ANKRD11: variants seen among roughly 807,000 people sequenced by gnomAD.
ANKRD11 encodes the protein ankyrin repeat domain-containing protein 11.
ANKRD11 carries 17 observed loss-of-function variants against 195.7 expected under a neutral mutation model. The observed-to-expected ratio is 0.09, with a 90% CI of 0.06 to 0.13. ANKRD11 has a LOEUF of 0.13. ANKRD11 is among the 10% of genes least tolerant of loss of function. The pLI is 1.00. For missense variants in ANKRD11, 3,735 were observed against 3,566.1 expected, an observed-to-expected ratio of 1.05 and a Z score of -1.21; for synonymous variants, 1,953 against 1,528.1, an observed-to-expected ratio of 1.28 and a Z score of -6.49.
At position 89,285,224 on chromosome 16, in the gene ANKRD11, G is replaced by T. The variant is rs771973198; in HGVS notation, c.1318C>A (p.Arg440=). The T allele has an allele frequency of 1.9e-6, 3 of 1,613,588 alleles. No individual in the cohort carries two copies. The highest frequency in any genetic ancestry group is 2.5e-6 in the Non-Finnish European group (3 of 1,179,994). ...AHTILPGSKT[R]EPSNAKQQKE... ...TGCTGCTTGGCATTAGAAGGCTCTC[G>T]TGTCTTACTACCAGGCAATATCGTA... Residue 440 remains arginine (R), a synonymous_variant, in exon 9 of 13, where the codon CGA becomes AGA. Transcript: ENST00000301030. This position sits in a 1 kb window ranked among gnomAD's most constrained non-coding sequence, Gnocchi z 5.6.
rs200756644 is a variant in ANKRD11 at position 89,283,390 on chromosome 16, T to G, written c.3152A>C (p.Glu1051Ala). 3.5e-5 allele frequency: 57 copies of G among 1,613,934 alleles called. No homozygotes were observed. Among genetic ancestry groups the G allele is most frequent in the Non-Finnish European group, 4.1e-5 (48 of 1,180,056 alleles). Residue 1051 changes from glutamate (E) to alanine (A), a missense_variant, in exon 9 of 13, where the codon GAA (glutamate) becomes GCA (alanine). Transcript: ENST00000301030. This position sits in a 1 kb window ranked among gnomAD's most constrained non-coding sequence, Gnocchi z 4.3. ...TTTCTCTTTAAAACATTTATCAAAT[T>G]CTTTGTCCTTCTGACATTTTTCCAG... ...SILEKCQKDK[E>A]FDKCFKEKKD...
At chr16:89,275,488 AAC>A (rs1471610886) in intron 9 of ANKRD11, among the ~76,000 whole-genome samples, 1 of 152,196 alleles carries the variant, frequency 6.6e-6, no homozygotes, top group African/African-American at 2.4e-5. Flanking sequence ...GAGGGCCTGA[AAC>A]ACCGGCATGA....
At chr16:89,468,766 C>T (rs1239821855) in intron 1 of ANKRD11, among the ~76,000 whole-genome samples, 2 of 152,150 alleles carry the variant, frequency 1.3e-5, no homozygotes, top group Admixed American at 6.5e-5. Flanking sequence ...TGCTGCCCTA[C>T]TGTTCTTGGC....
intron 2 of ANKRD11, among the ~76,000 whole-genome samples, chr16:89,404,241 T>C (rs1597301217): frequency 6.6e-6 from 1 of 152,170 alleles, no homozygotes; most frequent in Non-Finnish European, 1.5e-5. Context: ...TGTAGAACCC[T>C]GTTCTAGTCT....
rs771574778 is a variant in ANKRD11 at position 89,291,091 on chromosome 16, C to T, written c.319G>A (p.Ala107Thr). 6.2e-7 allele frequency: 1 copy of T among 1,613,822 alleles called. No individual in the cohort carries two copies. Among genetic ancestry groups the T allele is most frequent in the Non-Finnish European group, 8.5e-7 (1 of 1,179,952 alleles). The change falls in exon 5 of 13, where the codon GCC (alanine) becomes ACC (threonine). Residue 107 changes from alanine (A) to threonine (T), a missense_variant. By Grantham distance (58) the Ala-to-Thr change is moderately conservative. Coordinates refer to ENST00000301030, the MANE Select transcript of ANKRD11 (RefSeq NM_013275.6). This position sits in a 1 kb window ranked among gnomAD's most constrained non-coding sequence, Gnocchi z 5.3. ...TGGCGCTCGGAGAGGGGGTAGCCGGCTCGGATTCCAGACAGCCCCATGCCA... is the reference window on the plus strand; with the variant it reads ...TGGCGCTCGGAGAGGGGGTAGCCGGTTCGGATTCCAGACAGCCCCATGCCA... ...LFGMGLSGIRAGYPLSERQQV... is the reference protein window; with the variant it reads ...LFGMGLSGIRTGYPLSERQQV...
intron 2 of ANKRD11, among the ~76,000 whole-genome samples, chr16:89,363,653 C>T (rs1213472109): frequency 6.6e-6 from 1 of 152,166 alleles, no homozygotes; most frequent in Non-Finnish European, 1.5e-5. Flanking sequence ...CACTTTATGT[C>T]CACCAAGCAC....
In ANKRD11 at chr16:89,321,573, C is replaced by T. The variant is rs148309191; in HGVS notation, c.-59-4495G>A. Among the ~76,000 whole-genome samples, 506 of 152,166 alleles carry T rather than the reference C, an allele frequency of 3.3e-3. 1 individual carries two copies. Among genetic ancestry groups the T allele is most frequent in the African/African-American group, 0.012 (488 of 41,546 alleles). On this transcript the variant is annotated intron_variant, in intron 2 of 12. Transcript: ENST00000301030. ...CCAGGGAGTCCGTGGACCATGGAGA[C>T]TCACGGGTCCCCTCGGGCCTTCTGA...
rs146316513 is a variant in ANKRD11 at position 89,452,548 on chromosome 16, G to A, written c.-144-34180C>T. On this transcript the variant is annotated intron_variant, in intron 1 of 12. Coordinates refer to ENST00000301030, the MANE Select transcript of ANKRD11 (RefSeq NM_013275.6). ...TCTCAGCACTCTGGGAGGCTGAGGC[G>A]GGTGGATCACCTGAGGTCAAGAGAT... is the stretch of plus-strand genomic sequence containing the variant. Among the ~76,000 whole-genome samples the A allele has an allele frequency of 5.7e-3, 862 of 151,666 alleles. 1 individual carries two copies. Among genetic ancestry groups the A allele is most frequent in the Non-Finnish European group, 0.011 (719 of 67,854 alleles).
At position 89,394,521 on chromosome 16, in the gene ANKRD11, G is replaced by A. The variant is rs1397785909; in HGVS notation, c.-60+23763C>T. 3.3e-5 allele frequency among the ~76,000 whole-genome samples: 5 copies of A among 152,000 alleles called. 1 individual carries two copies. The highest frequency in any genetic ancestry group is 4.1e-4 in the South Asian group (2 of 4,824). On this transcript the variant is annotated intron_variant, in intron 2 of 12. Coordinates refer to ENST00000301030, the MANE Select transcript of ANKRD11 (RefSeq NM_013275.6). ...CAGGCACCTGTAATCCCAGCTACTC[G>A]GGAGGCTGAGGCAGGAGAATCGCTT...
rs8053074 is a variant in ANKRD11, at chr16:89,385,478, A to G, written c.-60+32806T>C. 1.5e-3 allele frequency among the ~76,000 whole-genome samples: 227 copies of G among 152,244 alleles called. 2 individuals are homozygous for G. The highest frequency in any genetic ancestry group is 5.2e-3 in the African/African-American group (218 of 41,540). ...AGCAGACTGAGCCCGTCCACAAGCCAGCACCGGGCAGAGGGAAGGGCGCCA... is the reference window on the plus strand; with the variant it reads ...AGCAGACTGAGCCCGTCCACAAGCCGGCACCGGGCAGAGGGAAGGGCGCCA... On this transcript the variant is annotated intron_variant, in intron 2 of 12. Transcript: ENST00000301030.
At chr16:89,301,667 GCT>G (rs2035862554) in intron 4 of ANKRD11, 2 of 398,730 alleles carry the variant, frequency 5.0e-6, no homozygotes, top group Admixed American at 8.8e-5. Context: ...GCTGTCACAT[GCT>G]CACGTCTGCC....
At chr16:89,288,430 CCCA>C (rs1350334338) in intron 7 of ANKRD11, 95 bp downstream of exon 7, 1 of 1,580,250 alleles carries the variant, frequency 6.3e-7, no homozygotes, top group Admixed American at 1.8e-5. Flanking sequence ...TTTCCTGTGC[CCCA>C]CATCATGGAA....
At chr16:89,478,119 G>A (rs1157390520) in intron 1 of ANKRD11, among the ~76,000 whole-genome samples, 1 of 152,144 alleles carries the variant, frequency 6.6e-6, no homozygotes, top group Non-Finnish European at 1.5e-5. Flanking sequence ...CTGAAATTTT[G>A]TTTAACACTT....
intron 1 of ANKRD11, among the ~76,000 whole-genome samples, chr16:89,425,020 G>A (rs2042661219): frequency 6.6e-6 from 1 of 151,808 alleles, no homozygotes; most frequent in Non-Finnish European, 1.5e-5. Flanking sequence ...GGAGGAGACT[G>A]GCCGAAGTGT....
At chr16:89,464,824 G>GACTGT (rs1567842740) in intron 1 of ANKRD11, among the ~76,000 whole-genome samples, 2 of 152,204 alleles carry the variant, frequency 1.3e-5, no homozygotes. Context: ...AAACTCTACA[G>GACTGT]AAAGTCAGGA....
chr16:89,432,140 AT>A, intron 1 of ANKRD11, among the ~76,000 whole-genome samples: 1 of 151,416 alleles, frequency 6.6e-6, no homozygotes, highest in Non-Finnish European at 1.5e-5. Context: ...TAAGGGGAGA[AT>A]TTGCCACATC....
At chr16:89,269,440 A>G (rs1025408967) in intron 12 of ANKRD11, among the ~76,000 whole-genome samples, 5 of 152,140 alleles carry the variant, frequency 3.3e-5, no homozygotes, top group Non-Finnish European at 5.9e-5. Flanking sequence ...TGGATTCACA[A>G]TCCTCCTCAA....
rs1338058403 is a variant in ANKRD11, at chr16:89,316,850, G to A, written c.87+83C>T. 2.0e-6 allele frequency: 3 copies of A among 1,511,732 alleles called. No homozygotes were observed. In the East Asian group the frequency reaches 7.2e-5, roughly 36 times the overall value. 93.6% of individuals were successfully genotyped at this position (1,511,732 alleles called of 1,614,324 possible). ...GAAAGGGCCGGAGGGCGGAGAACAG[G>A]CCACAGGCGGGCAGCACCCCATTCC... On this transcript the variant is annotated intron_variant, in intron 3 of 12. Transcript: ENST00000301030.
chr16:89,441,154 T>G (rs890812191), intron 1 of ANKRD11, among the ~76,000 whole-genome samples: 1 of 150,644 alleles, frequency 6.6e-6, no homozygotes, highest in Non-Finnish European at 1.5e-5. Flanking sequence ...GAAAATGGCG[T>G]GAACCTGAGA....
Sources: gnomAD v4.1 joint callset for allele counts (sites outside exome capture counted in the v4.1 genomes callset) on GRCh38, gnomAD v4.1.1 for gene constraint, Gnocchi (gnomAD v3.1) non-coding constraint, MANE v1.5 for transcripts, NCBI Gene and HGNC (gene_info 2026-07-23, HGNC 2026-07-21) for gene names.